FKBP3: variants seen among roughly 807,000 people sequenced by gnomAD.
FKBP3 encodes the protein FKBP prolyl isomerase 3, also known as peptidyl-prolyl cis-trans isomerase FKBP3.
Under a neutral mutation model 30.6 loss-of-function variants are expected in FKBP3, and 21 were observed. The ratio of observed to expected loss-of-function variants is 0.69; its 90% CI spans 0.49 to 0.99. The LOEUF is 0.99. Ranked by LOEUF, FKBP3 falls within the 50% of genes least tolerant of loss-of-function variation. The probability of loss-of-function intolerance (pLI) is 0.00; values close to 1 mark genes in which losing one functional copy is unlikely to be tolerated. For synonymous variants in FKBP3, 82 were observed against 91.3 expected, an observed-to-expected ratio of 0.90 and a Z score of 0.58; for missense variants, 283 against 261.6, an observed-to-expected ratio of 1.08 and a Z score of -0.56.
rs117713517 is a variant in FKBP3 at position 45,119,917 on chromosome 14, A to G, written c.522+970T>C. ...TAGCCAGTATGGTCTCGATCTCCTG[A>G]CCGACCTTGTGATCCACCCACCTCG... On this transcript the variant is annotated intron_variant, in intron 5 of 6. Coordinates refer to ENST00000396062, the MANE Select transcript of FKBP3 (RefSeq NM_002013.4). 3.6e-3 allele frequency among the ~76,000 whole-genome samples: 547 copies of G among 152,022 alleles called. 22 individuals carry two copies. The East Asian group carries it at 0.099, about 28-fold the overall frequency.
chr14:45,133,704 A>G (rs1046275154), intron 1 of FKBP3, among the ~76,000 whole-genome samples: 2 of 152,178 alleles, frequency 1.3e-5, no homozygotes, highest in South Asian at 4.1e-4. Flanking sequence ...ACAAATGGAG[A>G]GCCTACAGTA....
At chr14:45,118,260 A>G (rs1227606933) in intron 5 of FKBP3, 135 bp from the exon 6 acceptor site, 3 of 553,052 alleles carry the variant, frequency 5.4e-6, no homozygotes, top group Non-Finnish European at 9.4e-6. Flanking sequence ...TTCTAAGATA[A>G]TGTACTTCAG....
chr14:45,130,696 CACCTT>C lies in FKBP3; in HGVS notation c.208_210+2del. 3 of 1,538,456 alleles carry C rather than the reference CACCTT, an allele frequency of 2.0e-6. No individual in the cohort carries two copies. The highest frequency in any genetic ancestry group is 1.2e-5 in the South Asian group (1 of 84,112). ...TCTGCTAACAGAATCTAACAATACT[CACCTT>C]AGTTTCAAAAAGATGGTTATAGGCT... On this transcript the variant is annotated splice_donor_variant and coding_sequence_variant, in exon 2 of 7. Coordinates refer to ENST00000396062, the MANE Select transcript of FKBP3 (RefSeq NM_002013.4). LOFTEE classifies it high-confidence loss of function.
rs536298530 is a variant in FKBP3 at position 45,131,628 on chromosome 14, C to CAAAAA, written c.109-833_109-829dup. 1.2e-3 allele frequency among the ~76,000 whole-genome samples: 47 copies of CAAAAA among 39,460 alleles called. 3 individuals carry two copies. The highest frequency in any genetic ancestry group is 3.8e-3 in the African/African-American group (44 of 11,562). 25.9% of individuals were successfully genotyped at this position (39,460 alleles called of 152,430 possible). A position where few individuals can be genotyped will look rare whatever the true frequency, so the allele number is the denominator to read the frequency against. ...TAGGTGACAGAGCAAGACTCTGTCT[C>CAAAAA]AAAAAAAAAAAAAAAAAAAAAAAAA... On this transcript the variant is annotated intron_variant, in intron 1 of 6. Transcript: ENST00000396062.
At position 45,120,868 on chromosome 14, in the gene FKBP3, A is replaced by C. The variant is rs144723350; in HGVS notation, c.522+19T>G. The C allele has an allele frequency of 2.9e-4, 454 of 1,591,558 alleles. No individual in the cohort carries two copies. In the African/African-American group the frequency reaches 4.7e-3, roughly 16 times the overall value. On this transcript the variant is annotated intron_variant, in intron 5 of 6. Coordinates refer to ENST00000396062, the MANE Select transcript of FKBP3 (RefSeq NM_002013.4). ...CATATGCCAGAATATCTACTGATTC[A>C]TTGGCATTCTTTACTTACTCCTCTG...
At chr14:45,134,304 C>T (rs970836634) in intron 1 of FKBP3, 45 bp downstream of exon 1, 1 of 1,429,544 alleles carries the variant, frequency 7.0e-7, no homozygotes, top group Non-Finnish European at 9.8e-7. Context: ...GGGGGTGAGG[C>T]GTCCCTCAGC....
chr14:45,134,425 G>A lies in FKBP3; in HGVS notation c.32C>T (p.Thr11Ile), dbSNP rs762218930. The A allele has an allele frequency of 1.2e-6, 2 of 1,612,452 alleles. No individual in the cohort carries two copies. The highest frequency in any genetic ancestry group is 2.2e-5 in the East Asian group (1 of 44,760). Reference sequence around the variant, plus strand: ...CTGCTCACTGCGCAGCTGCTCCACGGTCCACGCCCGCTGTGGAACGGCCGC... The same window carrying A: ...CTGCTCACTGCGCAGCTGCTCCACGATCCACGCCCGCTGTGGAACGGCCGC... MAAAVPQRAW[T>I]VEQLRSEQLP... is the part of the protein sequence containing the mutation. Residue 11 changes from threonine (T) to isoleucine (I), a missense_variant, in exon 1 of 7, where the codon ACC (threonine) becomes ATC (isoleucine). Coordinates refer to ENST00000396062, the MANE Select transcript of FKBP3 (RefSeq NM_002013.4).
intron 1 of FKBP3, chr14:45,133,351 T>C (rs140030475): frequency 1.8e-4 from 52 of 294,086 alleles, no homozygotes; most frequent in African/African-American, 9.9e-4. Flanking sequence ...CCTGTAGTCC[T>C]AGCTACTCGA....
intron 1 of FKBP3, 123 bp downstream of exon 1, chr14:45,134,226 C>G: frequency 1.2e-6 from 1 of 844,178 alleles, no homozygotes; most frequent in Non-Finnish European, 1.9e-6. Context: ...TCCGGCCTTC[C>G]AGGCCACCGG....
chr14:45,133,711 A>C (rs1885280974), intron 1 of FKBP3, among the ~76,000 whole-genome samples: 1 of 152,226 alleles, frequency 6.6e-6, no homozygotes, highest in African/African-American at 2.4e-5. Context: ...GAGAGCCTAC[A>C]GTATAAAGCA....
intron 2 of FKBP3, 54 bp downstream of exon 2, chr14:45,130,645 T>C: frequency 1.8e-6 from 2 of 1,083,852 alleles, no homozygotes; most frequent in South Asian, 1.4e-5. Context: ...ACATCTTTTT[T>C]GGAAATAAAA....
Position 45,129,863 on chromosome 14 carries a change from C to G in FKBP3, c.249G>C (p.Glu83Asp). The G allele has an allele frequency of 6.2e-7, 1 of 1,613,012 alleles. No homozygotes were observed. Among genetic ancestry groups the G allele is most frequent in the Non-Finnish European group, 8.5e-7 (1 of 1,179,410 alleles). The change falls in exon 3 of 7, where the codon GAG becomes GAC. Residue 83 changes from glutamate (E) to aspartate (D), a missense_variant. By Grantham distance (45) the Glu-to-Asp change is conservative. Coordinates refer to ENST00000396062, the MANE Select transcript of FKBP3 (RefSeq NM_002013.4). ...KGTESISKVS[E>D]QVKNVKLNED... ...CATTAAGCTTCACATTTTTTACTTG[C>G]TCAGACACTTTACTTATACTTTCAG...
At chr14:45,129,933 G>T in intron 2 of FKBP3, 32 bp from the exon 3 acceptor site, 1 of 1,437,766 alleles carries the variant, frequency 7.0e-7, no homozygotes, top group Non-Finnish European at 9.6e-7. Flanking sequence ...ATCATACCCA[G>T]GACAGGCTAA....
intron 4 of FKBP3, 140 bp downstream of exon 4, chr14:45,121,345 A>C (rs1363061527): frequency 4.4e-6 from 3 of 680,816 alleles, no homozygotes; most frequent in Non-Finnish European, 7.2e-6. Context: ...GACCTCTTCC[A>C]AGTAGATCTT....
chr14:45,124,984 T>C (rs890396105), intron 3 of FKBP3, among the ~76,000 whole-genome samples: 20 of 151,864 alleles, frequency 1.3e-4, no homozygotes, highest in Non-Finnish European at 2.4e-4. Flanking sequence ...TGGTGTGATC[T>C]CGGCTCACTG....
chr14:45,121,096 A>G, intron 4 of FKBP3, 142 bp from the exon 5 acceptor site: 1 of 692,956 alleles, frequency 1.4e-6, no homozygotes, highest in Non-Finnish European at 2.4e-6. Context: ...AAAAGAAGGA[A>G]AAAATTTACA....
intron 6 of FKBP3, 165 bp from the exon 7 acceptor site, chr14:45,116,417 T>A: frequency 1.9e-6 from 1 of 536,386 alleles, no homozygotes; most frequent in Non-Finnish European, 3.4e-6. Context: ...AGCCACCACT[T>A]AATGAAGACT....
intron 1 of FKBP3, chr14:45,133,337 C>G (rs759283428): frequency 6.6e-6 from 2 of 305,328 alleles, no homozygotes; most frequent in South Asian, 2.3e-5. Flanking sequence ...CGTGGTGGCA[C>G]GCGCCTGTAG....
At chr14:45,134,047 A>G (rs531864960) in intron 1 of FKBP3, among the ~76,000 whole-genome samples, 2 of 152,200 alleles carry the variant, frequency 1.3e-5, no homozygotes, top group South Asian at 2.1e-4. Flanking sequence ...CTAGCCCCCA[A>G]TATCCTCGGG....
Sources: allele counts gnomAD v4.1 joint callset (sites outside exome capture counted in the v4.1 genomes callset), GRCh38; gene constraint gnomAD v4.1.1; transcripts MANE v1.5; gene names NCBI Gene and HGNC (gene_info 2026-07-23, HGNC 2026-07-21).